ADGRD1: variants seen among roughly 807,000 people sequenced by gnomAD.
ADGRD1 encodes G-protein coupled receptor 133.
Under a neutral mutation model 113.4 loss-of-function variants are expected in ADGRD1, and 77 were observed. That is an observed-to-expected ratio of 0.68 (90% CI 0.57 to 0.82). The LOEUF (loss-of-function observed/expected upper bound fraction) is 0.82, where lower values mean the gene tolerates loss of function less well. Ranked by LOEUF, ADGRD1 falls within the 40% of genes least tolerant of loss-of-function variation. ADGRD1 has a pLI of 0.00. For synonymous variants in ADGRD1, 474 were observed against 475.0 expected (o/e 1.00, Z 0.03); for missense variants, 1,036 against 1,139.1 (o/e 0.91, Z 1.30).
rs1216458385 is a variant in ADGRD1 at position 131,003,499 on chromosome 12, G to A, written c.1144+197G>A. ...GTGTTCGGCCATGATATGCAGATGG[G>A]GCCCATAAGCTTTTCCCAGTGACTT... is the stretch of plus-strand genomic sequence containing the variant. On this transcript the variant is annotated intron_variant, in intron 10 of 24. Coordinates refer to ENST00000261654, the MANE Select transcript of ADGRD1 (RefSeq NM_198827.5). The surrounding 1 kb of genome is among the most constrained non-coding windows in gnomAD (Gnocchi z 4.8). 6.6e-6 allele frequency among the ~76,000 whole-genome samples: 1 copy of A among 152,166 alleles called. No homozygotes were observed. The highest frequency in any genetic ancestry group is 1.5e-5 in the Non-Finnish European group (1 of 68,036).
At chr12:131,056,689 C>G (rs73166638) in intron 13 of ADGRD1, among the ~76,000 whole-genome samples, 5 of 152,266 alleles carry the variant, frequency 3.3e-5, no homozygotes, top group Non-Finnish European at 2.9e-5. Context: ...GGAAAGAGAC[C>G]TAGAGGCAGA....
intron 15 of ADGRD1, among the ~76,000 whole-genome samples, chr12:131,087,308 G>A (rs1029528287): frequency 1.3e-5 from 2 of 152,088 alleles, no homozygotes; most frequent in Admixed American, 1.3e-4. Flanking sequence ...ATTCACCCTC[G>A]GGTCCCTCGT....
In ADGRD1 at chr12:130,983,424, C is replaced by T. The variant is rs141542563; in HGVS notation, c.490+1361C>T. Among the ~76,000 whole-genome samples the T allele has an allele frequency of 4.1e-3, 618 of 152,252 alleles. 36 individuals carry two copies. The East Asian group carries it at 0.11, about 26-fold the overall frequency. On this transcript the variant is annotated intron_variant, in intron 5 of 24. Transcript: ENST00000261654. ...GACACAGAACCATCTGAACCTTTTCCGTGACCTTCCTGTTCCACTTGCTAT... is the reference window on the plus strand; with the variant it reads ...GACACAGAACCATCTGAACCTTTTCTGTGACCTTCCTGTTCCACTTGCTAT...
chr12:131,107,131 G>A (rs1428392280), intron 17 of ADGRD1, among the ~76,000 whole-genome samples: 1 of 152,192 alleles, frequency 6.6e-6, no homozygotes, highest in Non-Finnish European at 1.5e-5. Context: ...CCAGAACCCT[G>A]TGTCTCAATC....
At chr12:130,986,827 G>C (rs1017489272) in intron 5 of ADGRD1, 21 of 430,288 alleles carry the variant, frequency 4.9e-5, no homozygotes, top group Middle Eastern at 1.3e-3. Flanking sequence ...GTGGGCATTT[G>C]AATTTGTAAC....
chr12:131,065,140 C>G (rs1282046158), intron 13 of ADGRD1, among the ~76,000 whole-genome samples: 3 of 152,238 alleles, frequency 2.0e-5, no homozygotes, highest in Non-Finnish European at 4.4e-5. Context: ...CCATTCCCCA[C>G]ACTGATGCCA....
At chr12:131,112,369 T>C (rs2137368837) in intron 18 of ADGRD1, among the ~76,000 whole-genome samples, 1 of 152,312 alleles carries the variant, frequency 6.6e-6, no homozygotes, top group South Asian at 2.1e-4. Flanking sequence ...TTGGGGCACA[T>C]GATGCTCTAC....
At position 131,076,858 on chromosome 12, in the gene ADGRD1, G is replaced by A. The variant is rs746391447; in HGVS notation, c.1531G>A (p.Ala511Thr). Residue 511 changes from alanine to threonine, a missense_variant, in exon 14 of 25, where the codon GCC becomes ACC. Coordinates refer to ENST00000261654, the MANE Select transcript of ADGRD1 (RefSeq NM_198827.5). ...CAGCAACCGAGTCTTCGTGTACTGCGCCTTCCTGGACTTCAGGTACCCTCT... is the reference window on the plus strand; with the variant it reads ...CAGCAACCGAGTCTTCGTGTACTGCACCTTCCTGGACTTCAGGTACCCTCT... ...NSSNRVFVYC[A>T]FLDFSSGEGV... The A allele has an allele frequency of 1.4e-5, 23 of 1,613,916 alleles. No homozygotes were observed. Among genetic ancestry groups the A allele is most frequent in the South Asian group, 1.3e-4 (12 of 91,080 alleles).
At chr12:131,026,816 T>A (rs1880017936) in intron 13 of ADGRD1, 1 of 152,090 alleles carries the variant, frequency 6.6e-6, no homozygotes, top group African/African-American at 2.4e-5. Context: ...TCCCAGGGGA[T>A]ATTGCAGTGT....
At position 131,136,975 on chromosome 12, in the gene ADGRD1, A is replaced by G; in HGVS notation, c.2397A>G (p.Gly799=). Residue 799 remains glycine, a splice_region_variant and synonymous_variant, in exon 23 of 25, where the codon GGA becomes GGG. Transcript: ENST00000261654. ...YMFATLNSLQ[G]LFIFLFHCLL... ...GCGTTTCTTCCCTTTCTTCCCAGGG[A>G]CTGTTCATATTCCTCTTTCATTGTC... is the stretch of plus-strand genomic sequence containing the variant. 1 of 1,610,282 alleles carries G rather than the reference A, an allele frequency of 6.2e-7. No homozygotes were observed. The highest frequency in any genetic ancestry group is 8.5e-7 in the Non-Finnish European group (1 of 1,176,534).
intron 8 of ADGRD1, among the ~76,000 whole-genome samples, chr12:130,997,831 A>C (rs1201756361): frequency 6.6e-6 from 1 of 152,120 alleles, no homozygotes; most frequent in African/African-American, 2.4e-5. Flanking sequence ...CAATCTCGGC[A>C]CTTTGGGAGG....
At chr12:131,097,132 T>C (rs940943534) in intron 15 of ADGRD1, among the ~76,000 whole-genome samples, 1 of 152,098 alleles carries the variant, frequency 6.6e-6, no homozygotes, top group Admixed American at 6.5e-5. Context: ...GGGTTAGCAA[T>C]TCCCTGAGTC....
Position 131,057,321 on chromosome 12 carries a change from A to C in ADGRD1, c.1474-19480A>C, listed in dbSNP as rs1883958371. 6.6e-6 allele frequency among the ~76,000 whole-genome samples: 1 copy of C among 152,114 alleles called. No homozygotes were observed. The highest frequency in any genetic ancestry group is 1.5e-5 in the Non-Finnish European group (1 of 68,012). On this transcript the variant is annotated intron_variant, in intron 13 of 24. Transcript: ENST00000261654. This position sits in a 1 kb window ranked among gnomAD's most constrained non-coding sequence, Gnocchi z 4.2. ...TGTGTTGAGACACGCCGCGGACCAG[A>C]GAATGCTTGGAAGGGGAACGGTGGA... is the stretch of plus-strand genomic sequence containing the variant.
intron 6 of ADGRD1, chr12:130,988,318 T>C (rs1873943971): frequency 6.7e-6 from 1 of 150,074 alleles, no homozygotes. Context: ...TTTTCCCCAA[T>C]GGGTTTCTTT....
At chr12:131,024,001 T>C (rs1332260316) in intron 13 of ADGRD1, 1 of 152,168 alleles carries the variant, frequency 6.6e-6, no homozygotes, top group African/African-American at 2.4e-5. Context: ...TGGATTTAAG[T>C]CATTTCTGAA....
At chr12:130,975,002 G>A (rs76890622) in intron 4 of ADGRD1, among the ~76,000 whole-genome samples, 3 of 152,088 alleles carry the variant, frequency 2.0e-5, no homozygotes, top group Non-Finnish European at 4.4e-5. Context: ...AGAGAAAAAG[G>A]CTGTTTGGAT....
chr12:131,139,032 C>T, intron 24 of ADGRD1, 136 bp from the exon 25 acceptor site: 2 of 643,840 alleles, frequency 3.1e-6, no homozygotes, highest in Non-Finnish European at 5.5e-6. Context: ...CATGGGGGCT[C>T]CCTTCTCTCT....
intron 13 of ADGRD1, among the ~76,000 whole-genome samples, chr12:131,033,091 A>G (rs1880978237): frequency 6.6e-6 from 1 of 152,354 alleles, no homozygotes; most frequent in East Asian, 1.9e-4. Flanking sequence ...CCTGCCCTCC[A>G]GGACATTCAT....
intron 18 of ADGRD1, among the ~76,000 whole-genome samples, chr12:131,115,838 C>T (rs1044829198): frequency 6.6e-6 from 1 of 152,104 alleles, no homozygotes; most frequent in Non-Finnish European, 1.5e-5. Context: ...CATCGAGGGG[C>T]TCATCATTCA....
Sources: allele counts gnomAD v4.1 joint callset (sites outside exome capture counted in the v4.1 genomes callset), GRCh38; gene constraint gnomAD v4.1.1; non-coding constraint Gnocchi (gnomAD v3.1); transcripts MANE v1.5; gene names NCBI Gene and HGNC (gene_info 2026-07-23, HGNC 2026-07-21).